GSK3B: variants seen among roughly 807,000 people sequenced by gnomAD.
The protein encoded by GSK3B is glycogen synthase kinase-3 beta.
A neutral mutation model predicts 56.4 loss-of-function variants in GSK3B; 15 were observed. That is an observed-to-expected ratio of 0.27 (90% CI 0.18 to 0.41). GSK3B has a LOEUF of 0.41. Ranked by LOEUF, GSK3B falls within the 10% of genes least tolerant of loss-of-function variation. The pLI is 1.00. For missense variants in GSK3B, 300 were observed against 513.4 expected (o/e 0.58, Z 4.02); for synonymous variants, 181 against 188.9 (o/e 0.96, Z 0.34).
At chr3:119,899,867 T>C (rs1339838323) in intron 7 of GSK3B, among the ~76,000 whole-genome samples, 1 of 152,116 alleles carries the variant, frequency 6.6e-6, no homozygotes, top group Non-Finnish European at 1.5e-5. Context: ...TCCTTCTAAA[T>C]CTTTTTCTAC....
rs781004513 is a variant in GSK3B, at chr3:119,900,229, AC to A, written c.813+5525del. On this transcript the variant is annotated intron_variant, in intron 7 of 10. Transcript: ENST00000264235. ...TATACCCAAATTCTAAAGGCCAGTT[AC>A]AAAAACTATGAAAGCTATACTGAAA... is the stretch of plus-strand genomic sequence containing the variant. 3.9e-5 allele frequency among the ~76,000 whole-genome samples: 6 copies of A among 152,252 alleles called. No homozygotes were observed. The East Asian group carries it at 1.2e-3, about 29-fold the overall frequency.
At chr3:120,000,098 G>A (rs1559870536) in intron 2 of GSK3B, among the ~76,000 whole-genome samples, 1 of 152,082 alleles carries the variant, frequency 6.6e-6, no homozygotes, top group African/African-American at 2.4e-5. Flanking sequence ...GAATAGTAGT[G>A]AAGAGAAAGA....
intron 1 of GSK3B, among the ~76,000 whole-genome samples, chr3:120,040,707 C>T (rs1327593044): frequency 6.6e-6 from 1 of 152,084 alleles, no homozygotes; most frequent in Non-Finnish European, 1.5e-5. Context: ...CCCCCTAGGT[C>T]TCATGTTAAA....
At chr3:119,893,730 G>A (rs1339084008) in intron 7 of GSK3B, among the ~76,000 whole-genome samples, 1 of 151,940 alleles carries the variant, frequency 6.6e-6, no homozygotes, top group Non-Finnish European at 1.5e-5. Flanking sequence ...TCCCTTTTAG[G>A]GGGCAATCGG....
chr3:119,916,325 C>T (rs1205325673), intron 4 of GSK3B, 151 bp from the exon 5 acceptor site: 5 of 604,172 alleles, frequency 8.3e-6, no homozygotes, highest in Non-Finnish European at 1.4e-5. Context: ...AGTTTTGTGT[C>T]ACTTCTGTAT....
chr3:120,045,425 T>G (rs1187274022), intron 1 of GSK3B, among the ~76,000 whole-genome samples: 1 of 152,074 alleles, frequency 6.6e-6, no homozygotes, highest in Non-Finnish European at 1.5e-5. Flanking sequence ...CCATTCCACC[T>G]TTTTGAAACC....
At chr3:119,964,534 TA>T (rs1423977996) in intron 2 of GSK3B, among the ~76,000 whole-genome samples, 4 of 152,214 alleles carry the variant, frequency 2.6e-5, no homozygotes, top group African/African-American at 9.7e-5. Flanking sequence ...AATACTGCAT[TA>T]TTTTTCATAA....
chr3:120,043,445 G>A (rs987581310), intron 1 of GSK3B, among the ~76,000 whole-genome samples: 1 of 152,016 alleles, frequency 6.6e-6, no homozygotes, highest in African/African-American at 2.4e-5. Flanking sequence ...TGCTTGTCTT[G>A]TTACACCTTG....
chr3:120,073,456 T>C (rs1576310740), intron 1 of GSK3B, among the ~76,000 whole-genome samples: 1 of 152,108 alleles, frequency 6.6e-6, no homozygotes, highest in Non-Finnish European at 1.5e-5. Flanking sequence ...CAACTACACT[T>C]CTTACCCATC....
intron 10 of GSK3B, among the ~76,000 whole-genome samples, chr3:119,831,242 A>G (rs1464227030): frequency 6.6e-6 from 1 of 152,220 alleles, no homozygotes; most frequent in East Asian, 1.9e-4. Context: ...GTGGCAGCAG[A>G]AAAGATTTCC....
chr3:119,863,733 A>T, intron 8 of GSK3B, 128 bp from the exon 9 acceptor site: 1 of 611,290 alleles, frequency 1.6e-6, no homozygotes, highest in South Asian at 2.1e-5. Flanking sequence ...AGGACCTTCT[A>T]GAATGGAAAG....
intron 2 of GSK3B, among the ~76,000 whole-genome samples, chr3:119,961,864 T>C (rs983282502): frequency 1.3e-5 from 2 of 152,196 alleles, no homozygotes; most frequent in Non-Finnish European, 2.9e-5. Flanking sequence ...ACATGAGATA[T>C]TCAACACTTT....
intron 1 of GSK3B, among the ~76,000 whole-genome samples, chr3:120,057,012 G>T (rs940612499): frequency 6.6e-6 from 1 of 152,130 alleles, no homozygotes; most frequent in Non-Finnish European, 1.5e-5. Flanking sequence ...ATGCGTGGTG[G>T]CTCATGCCTG....
chr3:119,875,353 C>T (rs944296744), intron 8 of GSK3B, among the ~76,000 whole-genome samples: 2 of 151,702 alleles, frequency 1.3e-5, no homozygotes, highest in African/African-American at 4.8e-5. Flanking sequence ...CACCTATAGC[C>T]CTAAATGACT....
intron 1 of GSK3B, among the ~76,000 whole-genome samples, chr3:120,066,316 G>A (rs2058278157): frequency 6.6e-6 from 1 of 152,030 alleles, no homozygotes; most frequent in Non-Finnish European, 1.5e-5. Context: ...TGTACAAGAT[G>A]AGCCTGGAAC....
At chr3:119,875,000 T>C (rs1051032962) in intron 8 of GSK3B, among the ~76,000 whole-genome samples, 5 of 152,042 alleles carry the variant, frequency 3.3e-5, no homozygotes, top group African/African-American at 1.2e-4. Flanking sequence ...TCCCTAAATA[T>C]CTTCTGACCC....
At chr3:119,981,670 T>C (rs1576245794) in intron 2 of GSK3B, among the ~76,000 whole-genome samples, 1 of 151,930 alleles carries the variant, frequency 6.6e-6, no homozygotes, top group Admixed American at 6.6e-5. Context: ...GAGGCTTGAG[T>C]AGGTAAAAAA....
chr3:120,013,351 A>AG (rs1315870460), intron 1 of GSK3B, among the ~76,000 whole-genome samples: 1 of 152,200 alleles, frequency 6.6e-6, no homozygotes, highest in Non-Finnish European at 1.5e-5. Flanking sequence ...TCTTGTTTTA[A>AG]GGAGACTAGT....
At chr3:119,842,560 A>C (rs1004564689) in intron 10 of GSK3B, among the ~76,000 whole-genome samples, 2 of 152,186 alleles carry the variant, frequency 1.3e-5, no homozygotes, top group African/African-American at 4.8e-5. Context: ...TTCAGCTATA[A>C]ACATCTCATT....
Sources: gnomAD v4.1 joint callset for allele counts (sites outside exome capture counted in the v4.1 genomes callset) on GRCh38, gnomAD v4.1.1 for gene constraint, MANE v1.5 for transcripts, NCBI Gene and HGNC (gene_info 2026-07-23, HGNC 2026-07-21) for gene names.